Variants in THADA observed in about 807,000 individuals in gnomAD.
The protein encoded by THADA is THADA armadillo repeat containing, also known as tRNA (32-2'-O)-methyltransferase regulator THADA.
THADA carries 213 observed loss-of-function variants against 219.8 expected under a neutral mutation model. That is an observed-to-expected ratio of 0.97 (90% confidence interval 0.87 to 1.09). The LOEUF (loss-of-function observed/expected upper bound fraction) is 1.09. Ranked by LOEUF, THADA falls within the 50% of genes least tolerant of loss-of-function variation. The pLI is 0.00. For synonymous variants in THADA, 1,018 were observed against 828.9 expected (o/e 1.23, Z -3.92); for missense variants, 2,956 against 2,311.3 (o/e 1.28, Z -5.72).
intron 29 of THADA, chr2:43,370,287 T>A (rs1670645099): frequency 6.6e-6 from 1 of 152,212 alleles, no homozygotes; most frequent in Non-Finnish European, 1.5e-5. Context: ...CATAATAGAG[T>A]CAACTTCCTT....
Position 43,592,300 on chromosome 2 carries a change from A to C in THADA, c.76+17T>G, listed in dbSNP as rs1701662331. ...AACTAGAAAAAAATATAATAAGGGA[A>C]ACCAGAAGTCACCTACATTTCAAAG... On this transcript the variant is annotated intron_variant, in intron 2 of 37. Transcript: ENST00000405975. 1 of 1,580,550 alleles carries C rather than the reference A, an allele frequency of 6.3e-7. No homozygotes were observed. The highest frequency in any genetic ancestry group is 8.6e-7 in the Non-Finnish European group (1 of 1,162,384).
intron 31 of THADA, among the ~76,000 whole-genome samples, chr2:43,307,450 A>T (rs2104425555): frequency 6.6e-6 from 1 of 152,398 alleles, no homozygotes; most frequent in African/African-American, 2.4e-5. Context: ...CTGAAAGGCT[A>T]GAAAAAGAAC....
chr2:43,343,626 T>A (rs563758295), intron 30 of THADA: 1 of 152,474 alleles, frequency 6.6e-6, no homozygotes, highest in Non-Finnish European at 1.5e-5. Flanking sequence ...ATGAAAAATA[T>A]GTTTCTATTC....
intron 4 of THADA, among the ~76,000 whole-genome samples, chr2:43,588,400 A>T (rs1454178585): frequency 5.9e-5 from 9 of 152,132 alleles, no homozygotes; most frequent in Non-Finnish European, 1.0e-4. Context: ...CATACACAAA[A>T]ATTAGCTGAA....
At chr2:43,456,532 T>G (rs1216222861) in intron 26 of THADA, among the ~76,000 whole-genome samples, 1 of 152,000 alleles carries the variant, frequency 6.6e-6, no homozygotes, top group Non-Finnish European at 1.5e-5. Flanking sequence ...TCAACCTTGC[T>G]AAATAATTTT....
At chr2:43,280,399 C>A (rs999863454) in intron 35 of THADA, among the ~76,000 whole-genome samples, 1 of 151,952 alleles carries the variant, frequency 6.6e-6, no homozygotes, top group African/African-American at 2.4e-5. Flanking sequence ...TTTGGGAGGA[C>A]GAGGAGAGTG....
chr2:43,448,962 A>AG (rs534840261), intron 26 of THADA, among the ~76,000 whole-genome samples: 33 of 152,210 alleles, frequency 2.2e-4, no homozygotes, highest in South Asian at 1.5e-3. Flanking sequence ...GCCAATTCAA[A>AG]GGGGGGGCGG....
chr2:43,249,843 C>T (rs1669634740), intron 36 of THADA, among the ~76,000 whole-genome samples: 2 of 152,138 alleles, frequency 1.3e-5, no homozygotes, highest in African/African-American at 4.8e-5. Flanking sequence ...TCTGTGGTGA[C>T]CATACTCTTT....
intron 26 of THADA, among the ~76,000 whole-genome samples, chr2:43,459,869 A>C (rs1206569625): frequency 6.6e-6 from 1 of 152,210 alleles, no homozygotes; most frequent in African/African-American, 2.4e-5. Context: ...AAAAACAAAA[A>C]AACAAGTTTG....
intron 13 of THADA, among the ~76,000 whole-genome samples, chr2:43,570,993 T>C (rs1035365572): frequency 6.6e-6 from 1 of 152,214 alleles, no homozygotes; most frequent in African/African-American, 2.4e-5. Context: ...TGGTGGCTCA[T>C]GCCTGTAACC....
At chr2:43,355,450 G>T (rs1364523760) in intron 29 of THADA, among the ~76,000 whole-genome samples, 5 of 152,082 alleles carry the variant, frequency 3.3e-5, no homozygotes, top group African/African-American at 1.2e-4. Flanking sequence ...GATAATTATA[G>T]GCTGCCTTTT....
chr2:43,416,142 G>A (rs1303655156), intron 28 of THADA, among the ~76,000 whole-genome samples: 1 of 152,128 alleles, frequency 6.6e-6, no homozygotes. Flanking sequence ...GAGCAAAAGG[G>A]ATTCTCCTGG....
chr2:43,256,351 CT>C (rs76489639), intron 36 of THADA, among the ~76,000 whole-genome samples: 269 of 145,416 alleles, frequency 1.8e-3, no homozygotes, highest in Admixed American at 1.8e-3. Flanking sequence ...CTCTCTTCTA[CT>C]TTTTTTTTTT....
Position 43,571,790 on chromosome 2 carries a change from G to A in THADA, c.1981C>T (p.Gln661Ter). 1.2e-6 allele frequency: 2 copies of A among 1,613,658 alleles called. No individual in the cohort carries two copies. Among genetic ancestry groups the A allele is most frequent in the South Asian group, 2.2e-5 (2 of 91,078 alleles). ...STEIVSMEEMQWIQFFITYNL... is the reference protein window; with the variant it reads ...STEIVSMEEM ...TATGTAATAAAGAACTGAATCCACTGCATTTCTTCCATGGAAACAATTTCT... is the reference window on the plus strand; with the variant it reads ...TATGTAATAAAGAACTGAATCCACTACATTTCTTCCATGGAAACAATTTCT... Residue 661 changes from glutamine (Q) to a stop codon, truncating the protein, a stop_gained, in exon 13 of 38, where the codon CAG becomes TAG. Coordinates refer to ENST00000405975, the MANE Select transcript of THADA (RefSeq NM_022065.5). LOFTEE classifies it high-confidence loss of function.
chr2:43,302,996 G>T (rs1388572645), intron 31 of THADA, among the ~76,000 whole-genome samples: 2 of 152,100 alleles, frequency 1.3e-5, no homozygotes, highest in Non-Finnish European at 1.5e-5. Context: ...GTATCATTTT[G>T]CTATAGCTTC....
chr2:43,491,394 A>C (rs1322722471), intron 25 of THADA, among the ~76,000 whole-genome samples: 2 of 152,202 alleles, frequency 1.3e-5, no homozygotes, highest in Non-Finnish European at 2.9e-5. Flanking sequence ...AATAAGTAAA[A>C]AGGAGAGTAA....
At chr2:43,277,014 A>C (rs767894072) in intron 36 of THADA, among the ~76,000 whole-genome samples, 6 of 152,026 alleles carry the variant, frequency 3.9e-5, no homozygotes, top group Non-Finnish European at 8.8e-5. Flanking sequence ...TCTCCTCTCC[A>C]TCCCAACCCC....
At chr2:43,369,505 C>T (rs963556381) in intron 29 of THADA, among the ~76,000 whole-genome samples, 1 of 152,188 alleles carries the variant, frequency 6.6e-6, no homozygotes, top group Non-Finnish European at 1.5e-5. Flanking sequence ...AATAACTTAT[C>T]TCTTATATTA....
chr2:43,253,573 GA>G (rs1247651101), intron 36 of THADA, among the ~76,000 whole-genome samples: 1 of 152,076 alleles, frequency 6.6e-6, no homozygotes, highest in Non-Finnish European at 1.5e-5. Context: ...TGGGTTTCAT[GA>G]CAATGGAACC....
Sources: gnomAD v4.1 joint callset for allele counts (sites outside exome capture counted in the v4.1 genomes callset) on GRCh38, gnomAD v4.1.1 for gene constraint, MANE v1.5 for transcripts, NCBI Gene and HGNC (gene_info 2026-07-23, HGNC 2026-07-21) for gene names.